The following PTPRF variants were observed in gnomAD, a reference collection of about 807,000 sequenced individuals.
PTPRF encodes receptor-type tyrosine-protein phosphatase F.
A neutral mutation model predicts 201.8 loss-of-function variants in PTPRF; 59 were observed. The ratio of observed to expected loss-of-function variants is 0.29; its 90% CI spans 0.24 to 0.36. The LOEUF (loss-of-function observed/expected upper bound fraction) is 0.36, where lower values mean the gene tolerates loss of function less well. PTPRF is among the 10% of genes least tolerant of loss of function. The pLI is 1.00. For missense variants in PTPRF, 2,132 were observed against 2,690.5 expected, an observed-to-expected ratio of 0.79 and a Z score of 4.59; for synonymous variants, 1,088 against 1,089.7, an observed-to-expected ratio of 1.00 and a Z score of 0.03.
intron 7 of PTPRF, among the ~76,000 whole-genome samples, chr1:43,583,427 C>T (rs553748244): frequency 5.3e-5 from 8 of 152,272 alleles, no homozygotes; most frequent in South Asian, 2.1e-4. Context: ...CTGATCCAGG[C>T]GGTGCTCAGG....
At chr1:43,597,695 C>A in intron 11 of PTPRF, 53 bp from the exon 12 acceptor site, 1 of 1,238,052 alleles carries the variant, frequency 8.1e-7, no homozygotes, top group Non-Finnish European at 1.1e-6. Context: ...AGTCATTGTG[C>A]CTGTGATCCC....
At chr1:43,579,242 G>A (rs571553003) in intron 7 of PTPRF, 2 of 563,750 alleles carry the variant, frequency 3.5e-6, no homozygotes, top group East Asian at 8.7e-5. Flanking sequence ...CTTGGTGTAT[G>A]TGCATGTGTG....
upstream of PTPRF, among the ~76,000 whole-genome samples, chr1:43,527,753 C>T (rs1334892754): frequency 3.9e-5 from 6 of 152,198 alleles, no homozygotes; most frequent in African/African-American, 1.4e-4. Context: ...GCTGCCAGAG[C>T]TTCAGGACTA....
intron 11 of PTPRF, among the ~76,000 whole-genome samples, chr1:43,596,457 G>A (rs1051218280): frequency 3.9e-5 from 6 of 152,180 alleles, no homozygotes; most frequent in Admixed American, 1.3e-4. Context: ...CAGAGTCCTC[G>A]GTGGGCGTGG....
chr1:43,579,194 G>A (rs866285985), intron 7 of PTPRF: 10 of 641,230 alleles, frequency 1.6e-5, no homozygotes, highest in Middle Eastern at 5.0e-4. Context: ...GCATGGGCCC[G>A]GAGCCCCATG....
chr1:43,597,857 G>A lies in PTPRF; in HGVS notation c.1923G>A (p.Gln641=), dbSNP rs958658604. The change falls in exon 12 of 34, where the codon CAG becomes CAA. Residue 641 remains glutamine, a synonymous_variant. Transcript: ENST00000359947. ...ACAGCCGCAACGGCGTTATCACCCA[G>A]TACTCCGTGGCCTACGAGGCGGTGG... ...PADSRNGVIT[Q]YSVAYEAVDG... 1.2e-6 allele frequency: 2 copies of A among 1,608,860 alleles called. No homozygotes were observed. The highest frequency in any genetic ancestry group is 8.5e-7 in the Non-Finnish European group (1 of 1,178,198).
Position 43,603,321 on chromosome 1 carries a change from G to C in PTPRF, c.2341-95G>C. On this transcript the variant is annotated intron_variant, in intron 14 of 33. Transcript: ENST00000359947. This position sits in a 1 kb window ranked among gnomAD's most constrained non-coding sequence, Gnocchi z 5.8. ...CACAACCCCTGGCCTTGTGTGCCCC[G>C]GGGCTCCCCTCAGGCTAGGGTCCTG... 1 of 1,114,406 alleles carries C rather than the reference G, an allele frequency of 9.0e-7. No homozygotes were observed. Among genetic ancestry groups the C allele is most frequent in the East Asian group, 2.4e-5 (1 of 41,982 alleles). 69.0% of individuals were successfully genotyped at this position (1,114,406 alleles called of 1,614,324 possible).
In PTPRF at chr1:43,588,048, C is replaced by T. The variant is rs1018954689; in HGVS notation, c.680-683C>T. On this transcript the variant is annotated intron_variant, in intron 7 of 33. Coordinates refer to ENST00000359947, the MANE Select transcript of PTPRF (RefSeq NM_002840.5). The surrounding 1 kb of genome is among the most constrained non-coding windows in gnomAD (Gnocchi z 5.3). ...TGTTACTGCCATCGTCATGCCCATCCTGCCCGCAGACCATGTCCCTGGCCT... is the reference window on the plus strand; with the variant it reads ...TGTTACTGCCATCGTCATGCCCATCTTGCCCGCAGACCATGTCCCTGGCCT... 6.6e-6 allele frequency among the ~76,000 whole-genome samples: 1 copy of T among 152,224 alleles called. No homozygotes were observed. The highest frequency in any genetic ancestry group is 1.5e-5 in the Non-Finnish European group (1 of 68,040).
chr1:43,532,400 G>C (rs1324929691), intron 1 of PTPRF, among the ~76,000 whole-genome samples: 1 of 152,216 alleles, frequency 6.6e-6, no homozygotes, highest in Admixed American at 6.5e-5. Flanking sequence ...AGGGGCCACA[G>C]GGCAGGGCCG....
intron 23 of PTPRF, among the ~76,000 whole-genome samples, chr1:43,616,616 G>GT (rs1434729857): frequency 6.6e-6 from 1 of 151,988 alleles, no homozygotes; most frequent in Non-Finnish European, 1.5e-5. Flanking sequence ...TGACTTCTAG[G>GT]TTCTGGCCTG....
At chr1:43,590,741 C>T (rs116840956) in intron 8 of PTPRF, among the ~76,000 whole-genome samples, 1 of 152,318 alleles carries the variant, frequency 6.6e-6, no homozygotes, top group East Asian at 1.9e-4. Context: ...GATATGTGTA[C>T]ATACTAAATG....
Position 43,549,842 on chromosome 1 carries a change from A to G in PTPRF, c.92-3650A>G, listed in dbSNP as rs574102245. On this transcript the variant is annotated intron_variant, in intron 3 of 33. Transcript: ENST00000359947. ...TGCCACTTGTACTCCAACCTGGGTG[A>G]CAAAGTGAGACCCCCCTCTCAAAAA... 2.0e-5 allele frequency among the ~76,000 whole-genome samples: 3 copies of G among 151,950 alleles called. No homozygotes were observed. The South Asian group carries it at 6.2e-4, about 32-fold the overall frequency.
At chr1:43,534,245 A>C (rs1643875627) in intron 1 of PTPRF, among the ~76,000 whole-genome samples, 2 of 152,182 alleles carry the variant, frequency 1.3e-5, no homozygotes, top group African/African-American at 4.8e-5. Flanking sequence ...AGTACCTGTA[A>C]TTTTACTCTG....
At chr1:43,614,610 GGAGGCCGAGGCGGGTGGATCACCT>G (rs1347314882) in intron 23 of PTPRF, among the ~76,000 whole-genome samples, 5 of 152,286 alleles carry the variant, frequency 3.3e-5, no homozygotes, top group African/African-American at 1.2e-4. Flanking sequence ...CAGCACTTTG[GGAGGCCGAGGCGGGTGGATCACCT>G]GAGGTCGAGA....
rs866116983 is a variant in PTPRF at position 43,608,835 on chromosome 1, G to T, written c.3858-548G>T. Reference sequence around the variant, plus strand: ...CTATTTGTTGGCAGCTGAATCCTATGGTCTGTCTCTGACCCTGTCCTTGTA... The same window carrying T: ...CTATTTGTTGGCAGCTGAATCCTATTGTCTGTCTCTGACCCTGTCCTTGTA... On this transcript the variant is annotated intron_variant, in intron 21 of 33. Transcript: ENST00000359947. Among the ~76,000 whole-genome samples the T allele has an allele frequency of 2.0e-5, 3 of 152,154 alleles. No individual in the cohort carries two copies. The South Asian group carries it at 6.2e-4, about 32-fold the overall frequency.
upstream of PTPRF, chr1:43,530,824 G>A (rs1164041341): frequency 6.6e-6 from 1 of 152,028 alleles, no homozygotes; most frequent in African/African-American, 2.4e-5. This position sits in a 1 kb window ranked among gnomAD's most constrained non-coding sequence, Gnocchi z 4.1. Flanking sequence ...GCGCACGGCA[G>A]GGGCAGGGGC....
chr1:43,619,428 A>G lies in PTPRF; in HGVS notation c.4787A>G (p.Gln1596Arg). ...QRNYMVQTED[Q>R]YVFIHEALLE... ...AACTACATGGTGCAGACGGAGGACC[A>G]GTACGTGTTCATCCATGAGGCGCTG... Residue 1596 changes from glutamine (Q) to arginine (R), a missense_variant, in exon 28 of 34, where the codon CAG becomes CGG. Coordinates refer to ENST00000359947, the MANE Select transcript of PTPRF (RefSeq NM_002840.5). 6.2e-7 allele frequency: 1 copy of G among 1,614,154 alleles called. No homozygotes were observed. The highest frequency in any genetic ancestry group is 8.5e-7 in the Non-Finnish European group (1 of 1,180,044).
chr1:43,549,024 G>T (rs1644856490), intron 3 of PTPRF, among the ~76,000 whole-genome samples: 1 of 152,206 alleles, frequency 6.6e-6, no homozygotes, highest in Non-Finnish European at 1.5e-5. Flanking sequence ...CTCCCACCCT[G>T]CATGGGCTTG....
At chr1:43,572,608 A>G (rs2153990043) in intron 6 of PTPRF, among the ~76,000 whole-genome samples, 1 of 152,226 alleles carries the variant, frequency 6.6e-6, no homozygotes, top group South Asian at 2.1e-4. Context: ...TTCCGTGCAC[A>G]TTTTTCAGGG....
Sources: allele counts gnomAD v4.1 joint callset (sites outside exome capture counted in the v4.1 genomes callset), GRCh38; gene constraint gnomAD v4.1.1; non-coding constraint Gnocchi (gnomAD v3.1); transcripts MANE v1.5; gene names NCBI Gene and HGNC (gene_info 2026-07-23, HGNC 2026-07-21).